The following PPP1R2 variants were observed in gnomAD, a reference collection of about 807,000 sequenced individuals.
The protein encoded by PPP1R2 is protein phosphatase inhibitor 2.
PPP1R2 carries 16 observed loss-of-function variants against 29.9 expected under a neutral mutation model. The ratio of observed to expected loss-of-function variants is 0.53; its 90% confidence interval spans 0.36 to 0.81. The LOEUF (loss-of-function observed/expected upper bound fraction) is 0.81. Ranked by LOEUF, PPP1R2 falls within the 30% of genes least tolerant of loss-of-function variation. The pLI is 0.00. For synonymous variants in PPP1R2, 76 were observed against 91.5 expected (o/e 0.83, Z 0.96); for missense variants, 197 against 252.7 (o/e 0.78, Z 1.49).
intron 1 of PPP1R2, among the ~76,000 whole-genome samples, chr3:195,538,624 C>G (rs1719478953): frequency 6.6e-6 from 1 of 151,838 alleles, no homozygotes; most frequent in African/African-American, 2.4e-5. Flanking sequence ...TAAATTACAT[C>G]AAAGGAAATT....
At chr3:195,517,050 A>G in intron 5 of PPP1R2, 108 bp from the exon 6 acceptor site, 1 of 852,308 alleles carries the variant, frequency 1.2e-6, no homozygotes, top group Non-Finnish European at 1.9e-6. Context: ...AATTTTAAAA[A>G]CAAATAAGGT....
chr3:195,539,095 T>A (rs1013456369), intron 1 of PPP1R2, among the ~76,000 whole-genome samples: 2 of 152,248 alleles, frequency 1.3e-5, no homozygotes, highest in South Asian at 2.1e-4. Flanking sequence ...TGGCATCTTA[T>A]AATCATAGCT....
intron 2 of PPP1R2, chr3:195,528,685 G>C (rs1719064249): frequency 7.2e-6 from 1 of 139,852 alleles, no homozygotes; most frequent in Non-Finnish European, 1.5e-5. Flanking sequence ...TCAATACAAG[G>C]TAGGTAGGGC....
intron 2 of PPP1R2, chr3:195,528,627 CTTAATTCAATGACAAAATATT>C (rs1042009122): frequency 7.2e-6 from 1 of 138,548 alleles, no homozygotes; most frequent in Non-Finnish European, 1.5e-5. Flanking sequence ...TTTATGCTGT[CTTAATTCAATGACAAAATATT>C]TTAATCTTGG....
Position 195,523,689 on chromosome 3 carries a change from T to A in PPP1R2, c.403+3A>T. ...GATGAAAGCAGTAAAGGAAATAAAC[T>A]ACCTCGTTCTTCAGGTGAGAGGTCA... On this transcript the variant is annotated splice_donor_region_variant and intron_variant, in intron 4 of 5. Coordinates refer to ENST00000618156, the MANE Select transcript of PPP1R2 (RefSeq NM_006241.8). 1 of 1,610,646 alleles carries A rather than the reference T, an allele frequency of 6.2e-7. No homozygotes were observed. Among genetic ancestry groups the A allele is most frequent in the South Asian group, 1.1e-5 (1 of 90,936 alleles).
intron 1 of PPP1R2, among the ~76,000 whole-genome samples, chr3:195,535,943 AGAC>A (rs1416964600): frequency 1.3e-5 from 2 of 152,248 alleles, no homozygotes; most frequent in East Asian, 3.9e-4. Flanking sequence ...CAAGACAGTG[AGAC>A]CAACCCCTCC....
At position 195,543,293 on chromosome 3, in the gene PPP1R2, A is replaced by C. The variant is rs909786420; in HGVS notation, c.-268T>G. On this transcript the variant is annotated 5_prime_UTR_variant, in exon 1 of 6. Transcript: ENST00000618156. The stretch of plus-strand genomic sequence containing the variant: ...GGCTCGCGGAGAGACGCCGGCCTAG[A>C]GCTCCAGCGCAGGAGCGACGCGACG... 5 of 332,432 alleles carry C rather than the reference A, an allele frequency of 1.5e-5. No individual in the cohort carries two copies. Among genetic ancestry groups the C allele is most frequent in the Non-Finnish European group, 2.7e-5 (5 of 181,866 alleles). The allele number at this position is 332,432 out of a possible 1,614,324, so 20.6% of individuals were successfully genotyped here. A position where few individuals can be genotyped will look rare whatever the true frequency, so the allele number is the denominator to read the frequency against.
intron 2 of PPP1R2, among the ~76,000 whole-genome samples, chr3:195,526,935 C>T (rs1718994051): frequency 6.6e-6 from 1 of 152,078 alleles, no homozygotes; most frequent in Admixed American, 6.5e-5. Context: ...GCGCCCACCA[C>T]CACATCTGGG....
intron 4 of PPP1R2, among the ~76,000 whole-genome samples, chr3:195,520,279 G>A (rs1023093581): frequency 7.9e-5 from 12 of 152,056 alleles, no homozygotes; most frequent in South Asian, 2.1e-4. Flanking sequence ...AAAAGTGCTG[G>A]GATTACAGGC....
At chr3:195,520,964 T>C (rs1324499550) in intron 4 of PPP1R2, among the ~76,000 whole-genome samples, 1 of 151,910 alleles carries the variant, frequency 6.6e-6, no homozygotes, top group African/African-American at 2.4e-5. Context: ...ACACCGCACC[T>C]GGCCAGTACT....
intron 1 of PPP1R2, among the ~76,000 whole-genome samples, chr3:195,537,288 G>A (rs1281500708): frequency 6.6e-6 from 1 of 151,914 alleles, no homozygotes; most frequent in Non-Finnish European, 1.5e-5. Flanking sequence ...TTAAAATAAG[G>A]CAGACATGAA....
chr3:195,519,285 T>A, intron 4 of PPP1R2, 100 bp from the exon 5 acceptor site: 1 of 922,286 alleles, frequency 1.1e-6, no homozygotes. Context: ...TGCTCATTTG[T>A]TTTTGTCATG....
chr3:195,517,948 A>G (rs1219647783), intron 5 of PPP1R2, among the ~76,000 whole-genome samples: 2 of 152,210 alleles, frequency 1.3e-5, no homozygotes, highest in Non-Finnish European at 2.9e-5. Flanking sequence ...TCATAGAATT[A>G]TTCATATTTA....
At chr3:195,528,699 A>AT (rs1719065682) in intron 2 of PPP1R2, 1 of 107,986 alleles carries the variant, frequency 9.3e-6, no homozygotes, top group African/African-American at 3.3e-5. Flanking sequence ...GTAGGGCATA[A>AT]CTATTTTTTT....
chr3:195,537,752 A>G (rs928855080), intron 1 of PPP1R2, among the ~76,000 whole-genome samples: 4 of 152,044 alleles, frequency 2.6e-5, no homozygotes, highest in Non-Finnish European at 5.9e-5. Flanking sequence ...TCAAAGTCTC[A>G]CTCAACTTGT....
chr3:195,542,975 G>A lies in PPP1R2; in HGVS notation c.51C>T (p.Asn17=), dbSNP rs1560448433. 6 of 1,602,920 alleles carry A rather than the reference G, an allele frequency of 3.7e-6. No individual in the cohort carries two copies. In the South Asian group the frequency reaches 6.7e-5, roughly 18 times the overall value. The change falls in exon 1 of 6, where the codon AAC becomes AAT. Residue 17 remains asparagine, a synonymous_variant. Coordinates refer to ENST00000618156, the MANE Select transcript of PPP1R2 (RefSeq NM_006241.8). ...CCATAGAGGAAGTCGTAGAGGTCTT[G>A]TTCTTCAAGATCCCCTTGATGGGCC... The part of the protein sequence containing the change: ...SHRPIKGILK[N]KTSTTSSMVA...
At chr3:195,522,702 T>C (rs1387139229) in intron 4 of PPP1R2, among the ~76,000 whole-genome samples, 1 of 152,194 alleles carries the variant, frequency 6.6e-6, no homozygotes, top group Non-Finnish European at 1.5e-5. Context: ...CGTACAAATA[T>C]TAGGCTCAGC....
Position 195,523,720 on chromosome 3 carries a change from C to A in PPP1R2, c.375G>T (p.Glu125Asp). 2 of 1,613,938 alleles carry A rather than the reference C, an allele frequency of 1.2e-6. No homozygotes were observed. The highest frequency in any genetic ancestry group is 3.3e-4 in the Middle Eastern group (2 of 6,058). ...RIQEQESSGE[E>D]DSDLSPEERE... ...GTTCTTCAGGTGAGAGGTCACTATC[C>A]TCCTCTCCACTGCTTTCTTGTTCCT... Residue 125 changes from glutamate to aspartate, a missense_variant, in exon 4 of 6, where the codon GAG becomes GAT. By Grantham distance (45) the Glu-to-Asp change is conservative. Coordinates refer to ENST00000618156, the MANE Select transcript of PPP1R2 (RefSeq NM_006241.8).
At chr3:195,527,136 T>C (rs993165622) in intron 2 of PPP1R2, among the ~76,000 whole-genome samples, 4 of 151,766 alleles carry the variant, frequency 2.6e-5, no homozygotes, top group African/African-American at 9.7e-5. Context: ...GTTGCCCAGG[T>C]TGGTCTTGAA....
Sources: allele counts gnomAD v4.1 joint callset (sites outside exome capture counted in the v4.1 genomes callset), GRCh38; gene constraint gnomAD v4.1.1; transcripts MANE v1.5; gene names NCBI Gene and HGNC (gene_info 2026-07-23, HGNC 2026-07-21).